Variants in WDFY3 observed in about 807,000 individuals in gnomAD.
WDFY3 encodes WD repeat and FYVE domain-containing protein 3.
WDFY3 carries 66 observed loss-of-function variants against 409.6 expected under a neutral mutation model. The observed-to-expected ratio is 0.16, with a 90% CI of 0.13 to 0.20. WDFY3 has a LOEUF of 0.20. WDFY3 is among the 10% of genes least tolerant of loss of function. The pLI is 1.00. For missense variants in WDFY3, 3,031 were observed against 4,298.1 expected, an observed-to-expected ratio of 0.71 and a Z score of 8.24; for synonymous variants, 1,521 against 1,537.1, an observed-to-expected ratio of 0.99 and a Z score of 0.25.
At chr4:84,785,905 G>C in intron 24 of WDFY3, 74 bp downstream of exon 24, 1 of 1,512,128 alleles carries the variant, frequency 6.6e-7, no homozygotes, top group Non-Finnish European at 9.0e-7. Flanking sequence ...TAATTGAGTA[G>C]TATCCATATG....
intron 1 of WDFY3, among the ~76,000 whole-genome samples, chr4:84,943,669 G>C (rs934752065): frequency 3.3e-5 from 5 of 151,952 alleles, no homozygotes; most frequent in Admixed American, 2.0e-4. Flanking sequence ...CCCCAACATG[G>C]TTCAAAGATC....
intron 2 of WDFY3, among the ~76,000 whole-genome samples, chr4:84,909,956 A>C (rs1767546439): frequency 6.6e-6 from 1 of 152,164 alleles, no homozygotes; most frequent in Non-Finnish European, 1.5e-5. Flanking sequence ...TTTTTGGAAT[A>C]CTGTCAACGA....
chr4:84,775,640 G>A (rs1745423120), intron 27 of WDFY3, among the ~76,000 whole-genome samples: 1 of 151,800 alleles, frequency 6.6e-6, no homozygotes, highest in Admixed American at 6.6e-5. Flanking sequence ...ACAGTATCAA[G>A]CAATCTAAGA....
chr4:84,759,204 T>C (rs1433951683), intron 32 of WDFY3, among the ~76,000 whole-genome samples: 11 of 152,220 alleles, frequency 7.2e-5, no homozygotes, highest in Non-Finnish European at 1.5e-4. Flanking sequence ...TTGGTTACTG[T>C]AGCCTTGCAG....
At chr4:84,738,558 T>C (rs1167252462) in intron 40 of WDFY3, among the ~76,000 whole-genome samples, 2 of 148,944 alleles carry the variant, frequency 1.3e-5, no homozygotes, top group Non-Finnish European at 3.0e-5. Flanking sequence ...GCTGAAATAG[T>C]GCCACTGCAC....
chr4:84,860,564 G>A lies in WDFY3; in HGVS notation c.28C>T (p.Arg10Trp). The change falls in exon 4 of 68, where the codon CGG becomes TGG. Residue 10 changes from arginine to tryptophan, a missense_variant. By Grantham distance (101) the Arg-to-Trp change is moderately radical. Transcript: ENST00000295888. MNMVKRIMG[R>W]PRQEECSPQD... Reference sequence around the variant, plus strand: ...GGGCTGCACTCCTCCTGCCTCGGCCGCCCCATGATCCTCTTCACCATGTTC... The same window carrying A: ...GGGCTGCACTCCTCCTGCCTCGGCCACCCCATGATCCTCTTCACCATGTTC... The A allele has an allele frequency of 1.2e-6, 2 of 1,611,228 alleles. No individual in the cohort carries two copies. Among genetic ancestry groups the A allele is most frequent in the African/African-American group, 1.3e-5 (1 of 74,966 alleles).
At position 84,821,380 on chromosome 4, in the gene WDFY3, T is replaced by C; in HGVS notation, c.1295A>G (p.Glu432Gly). ...TACTTCTGGGAGTTTAGAAATCTTCTCTGCAAACTGTGACAATGTGTGCTG... is the reference window on the plus strand; with the variant it reads ...TACTTCTGGGAGTTTAGAAATCTTCCCTGCAAACTGTGACAATGTGTGCTG... ...ESQHTLSQFA[E>G]KISKLPEVQN... Residue 432 changes from glutamate (E) to glycine (G), a missense_variant, in exon 11 of 68, where the codon GAG becomes GGG. By Grantham distance (98) the Glu-to-Gly change is moderately conservative (BLOSUM62 -2). Transcript: ENST00000295888. The C allele has an allele frequency of 6.2e-7, 1 of 1,613,916 alleles. No individual in the cohort carries two copies. Among genetic ancestry groups the C allele is most frequent in the Non-Finnish European group, 8.5e-7 (1 of 1,179,880 alleles).
chr4:84,672,845 TC>T lies in WDFY3; in HGVS notation c.*22del. The T allele has an allele frequency of 6.2e-7, 1 of 1,613,706 alleles. No individual in the cohort carries two copies. Among genetic ancestry groups the T allele is most frequent in the Non-Finnish European group, 8.5e-7 (1 of 1,179,790 alleles). ...TCGGGAAGGGGTCTACAGACCATGGTCTCCACTCAGCTTGTTGAATCTTCAA... is the reference window on the plus strand; with the variant it reads ...TCGGGAAGGGGTCTACAGACCATGGTTCCACTCAGCTTGTTGAATCTTCAA... On this transcript the variant is annotated 3_prime_UTR_variant, in exon 68 of 68. Coordinates refer to ENST00000295888, the MANE Select transcript of WDFY3 (RefSeq NM_014991.6).
At chr4:84,716,667 C>T (rs547173976) in intron 49 of WDFY3, among the ~76,000 whole-genome samples, 19 of 151,384 alleles carry the variant, frequency 1.3e-4, no homozygotes, top group African/African-American at 3.6e-4. Flanking sequence ...GGCGTGGTGG[C>T]GGGCGCCTAT....
intron 1 of WDFY3, among the ~76,000 whole-genome samples, chr4:84,945,975 G>A (rs985741160): frequency 1.3e-5 from 2 of 152,146 alleles, no homozygotes; most frequent in Non-Finnish European, 2.9e-5. Context: ...TGACCATCAA[G>A]GAGAAGACAG....
chr4:84,709,100 T>C, intron 52 of WDFY3, 72 bp from the exon 53 acceptor site: 1 of 1,569,568 alleles, frequency 6.4e-7, no homozygotes, highest in Non-Finnish European at 8.7e-7. Context: ...AAATTTTATA[T>C]ACAAAATGAT....
At chr4:84,718,286 T>A in intron 48 of WDFY3, 136 bp downstream of exon 48, 2 of 777,302 alleles carry the variant, frequency 2.6e-6, no homozygotes, top group South Asian at 3.0e-5. Context: ...TTTGTGAATA[T>A]GTAATGATGA....
chr4:84,900,122 T>C (rs1329788960), intron 2 of WDFY3, among the ~76,000 whole-genome samples: 3 of 152,196 alleles, frequency 2.0e-5, no homozygotes, highest in African/African-American at 4.8e-5. Context: ...CAAAAGTTTA[T>C]AGTACCTCTA....
At chr4:84,822,858 C>T (rs907600331) in intron 10 of WDFY3, among the ~76,000 whole-genome samples, 1 of 151,930 alleles carries the variant, frequency 6.6e-6, no homozygotes, top group Non-Finnish European at 1.5e-5. Context: ...TGGCAAATAC[C>T]AAAAATTTAT....
chr4:84,944,546 G>C (rs1157682677), intron 1 of WDFY3, among the ~76,000 whole-genome samples: 1 of 148,120 alleles, frequency 6.8e-6, no homozygotes, highest in Non-Finnish European at 1.5e-5. Flanking sequence ...TAAACAGGCT[G>C]GGTGCAGTGG....
intron 15 of WDFY3, 31 bp downstream of exon 15, chr4:84,808,303 T>C: frequency 6.4e-7 from 1 of 1,564,212 alleles, no homozygotes; most frequent in Non-Finnish European, 8.8e-7. Flanking sequence ...CCCACACAAA[T>C]AGAGACTGAC....
At chr4:84,685,050 T>C (rs542740098) in intron 62 of WDFY3, among the ~76,000 whole-genome samples, 14 of 152,360 alleles carry the variant, frequency 9.2e-5, no homozygotes, top group Admixed American at 7.2e-4. Flanking sequence ...CAGCTTTCTA[T>C]AGCGCCAAAG....
At chr4:84,947,859 C>A (rs991182048) in intron 1 of WDFY3, among the ~76,000 whole-genome samples, 7 of 151,864 alleles carry the variant, frequency 4.6e-5, no homozygotes, top group African/African-American at 1.7e-4. Context: ...GTACTCCAGC[C>A]TAGATGAAAG....
At chr4:84,790,529 T>C (rs1748332917) in intron 21 of WDFY3, among the ~76,000 whole-genome samples, 1 of 151,484 alleles carries the variant, frequency 6.6e-6, no homozygotes, top group Non-Finnish European at 1.5e-5. Context: ...AAGTAAAAAA[T>C]ACATAAAAAT....
Sources: gnomAD v4.1 joint callset for allele counts (sites outside exome capture counted in the v4.1 genomes callset) on GRCh38, gnomAD v4.1.1 for gene constraint, MANE v1.5 for transcripts, NCBI Gene and HGNC (gene_info 2026-07-23, HGNC 2026-07-21) for gene names.